The following SSPN variants were observed in gnomAD, a reference collection of about 807,000 sequenced individuals.
SSPN encodes sarcospan.
SSPN carries 15 observed loss-of-function variants against 19.1 expected under a neutral mutation model. That is an observed-to-expected ratio of 0.78 (90% CI 0.52 to 1.21). The LOEUF is 1.21. Among genes scored for constraint, SSPN ranks in the 50% most tolerant of loss-of-function variants. The pLI is 0.00. For missense variants in SSPN, 291 were observed against 314.0 expected (o/e 0.93, Z 0.55); for synonymous variants, 147 against 140.3 (o/e 1.05, Z -0.34).
chr12:26,161,110 A>C (rs1292106245), intron 1 of SSPN, among the ~76,000 whole-genome samples: 1 of 119,988 alleles, frequency 8.3e-6, no homozygotes, highest in African/African-American at 4.4e-5. Flanking sequence ...TCTGTCTCAA[A>C]AAAAAAAAAA....
At chr12:26,137,091 T>G (rs1257423341) in intron 1 of SSPN, among the ~76,000 whole-genome samples, 2 of 152,216 alleles carry the variant, frequency 1.3e-5, no homozygotes, top group African/African-American at 4.8e-5. Context: ...TGCTCTCTTT[T>G]ACTGTTTTGC....
intron 1 of SSPN, among the ~76,000 whole-genome samples, chr12:26,145,931 C>T (rs1397928374): frequency 2.6e-5 from 4 of 152,194 alleles, no homozygotes; most frequent in Non-Finnish European, 5.9e-5. Flanking sequence ...TACACATGTT[C>T]ACCCATTGGC....
intron 1 of SSPN, chr12:26,122,532 G>T: frequency 7.9e-7 from 1 of 1,267,278 alleles, no homozygotes; most frequent in Non-Finnish European, 1.0e-6. Flanking sequence ...TCCGCCGAAC[G>T]CCACCAGCGA....
At chr12:26,151,614 C>T (rs1462039256) in intron 1 of SSPN, among the ~76,000 whole-genome samples, 1 of 152,104 alleles carries the variant, frequency 6.6e-6, no homozygotes, top group Admixed American at 6.6e-5. Flanking sequence ...GACAAAGCTC[C>T]CTGCCCCCAT....
At position 26,224,009 on chromosome 12, in the gene SSPN, A is replaced by T. The variant is rs138321192; in HGVS notation, c.280-284A>T. 4.6e-5 allele frequency among the ~76,000 whole-genome samples: 7 copies of T among 152,344 alleles called. No individual in the cohort carries two copies. In the East Asian group the frequency reaches 1.2e-3, roughly 25 times the overall value. ...TTCACCGGATTGTAAACTGATGAAC[A>T]CTGAGTAAACTTTATTCATCGTCAT... On this transcript the variant is annotated intron_variant, in intron 1 of 2. Transcript: ENST00000242729.
At chr12:26,201,315 T>C (rs1591877518) in intron 1 of SSPN, among the ~76,000 whole-genome samples, 1 of 150,694 alleles carries the variant, frequency 6.6e-6, no homozygotes, top group Non-Finnish European at 1.5e-5. Context: ...GAGGCAGAGG[T>C]TGCAGTGAGC....
intron 1 of SSPN, among the ~76,000 whole-genome samples, chr12:26,161,669 T>C (rs1431342254): frequency 1.3e-5 from 2 of 152,206 alleles, no homozygotes; most frequent in African/African-American, 4.8e-5. Context: ...AGAACAGTGG[T>C]TCCCCAATCT....
chr12:26,191,462 AAGAG>A (rs1169115286), upstream of SSPN, among the ~76,000 whole-genome samples: 1 of 151,118 alleles, frequency 6.6e-6, no homozygotes, highest in South Asian at 2.1e-4. Context: ...CCAGGGAAGA[AAGAG>A]AGAGAGAGAG....
In SSPN at chr12:26,180,349, T is replaced by C. The variant is rs545681705; in HGVS notation, c.-30-43944T>C. 3.3e-5 allele frequency: 5 copies of C among 152,154 alleles called. No individual in the cohort carries two copies. In the South Asian group the frequency reaches 1.0e-3, roughly 32 times the overall value. The allele number at this position is 152,154 out of a possible 1,614,324, so 9.4% of individuals were successfully genotyped here. A position where few individuals can be genotyped will look rare whatever the true frequency, so the allele number is the denominator to read the frequency against. On this transcript the variant is annotated intron_variant, in intron 1 of 2. Transcript: ENST00000538142. ...GGTCGTGCTCATAGCAGCAGCGAGA[T>C]TTTTTTTCTTGTCACGATGAACAGA... is the stretch of plus-strand genomic sequence containing the variant.
intron 1 of SSPN, among the ~76,000 whole-genome samples, chr12:26,144,376 G>A (rs4963959): frequency 0.27 from 40,686 of 152,064 alleles, 5,651 homozygotes; most frequent in South Asian, 0.37. Context: ...AAGACCCAGA[G>A]GAGAGTTTGG....
At position 26,143,182 on chromosome 12, in the gene SSPN, A is replaced by G. The variant is rs139200452; in HGVS notation, c.-31+21030A>G. Among the ~76,000 whole-genome samples, 174 of 152,348 alleles carry G rather than the reference A, an allele frequency of 1.1e-3. 1 individual carries two copies. Among genetic ancestry groups the G allele is most frequent in the African/African-American group, 4.0e-3 (168 of 41,580 alleles). Reference sequence around the variant, plus strand: ...TAGCCTTTATTCATATTTTAAAGAAACAGTAGTCATTTGATTAAGTATAAA... The same window carrying G: ...TAGCCTTTATTCATATTTTAAAGAAGCAGTAGTCATTTGATTAAGTATAAA... On this transcript the variant is annotated intron_variant, in intron 1 of 2. Coordinates refer to the SSPN transcript ENST00000538142.
At chr12:26,156,033 C>T (rs1944553904) in intron 1 of SSPN, among the ~76,000 whole-genome samples, 1 of 152,104 alleles carries the variant, frequency 6.6e-6, no homozygotes, top group Non-Finnish European at 1.5e-5. Flanking sequence ...GTTCAAAGAA[C>T]TTTGATGGTA....
chr12:26,124,252 T>TGGGGG, intron 1 of SSPN: 6 of 879,380 alleles, frequency 6.8e-6, no homozygotes, highest in African/African-American at 1.7e-5. Context: ...TACCCTCGTC[T>TGGGGG]GCCCCCCCCG....
chr12:26,148,643 A>G (rs1186390909), intron 1 of SSPN, among the ~76,000 whole-genome samples: 1 of 152,164 alleles, frequency 6.6e-6, no homozygotes, highest in East Asian at 1.9e-4. Context: ...GGTTTTCTAA[A>G]ACTATGTCTA....
intron 1 of SSPN, chr12:26,122,820 G>T: frequency 6.3e-7 from 1 of 1,588,854 alleles, no homozygotes; most frequent in Middle Eastern, 1.9e-4. Flanking sequence ...GTCGTTCTCG[G>T]CGGCGAGCTC....
At position 26,209,950 on chromosome 12, in the gene SSPN, C is replaced by A. The variant is rs528837371; in HGVS notation, c.279+13999C>A. On this transcript the variant is annotated intron_variant, in intron 1 of 2. Coordinates refer to ENST00000242729, the MANE Select transcript of SSPN (RefSeq NM_005086.5). ...CTTTATGTATGATAACTTGATATAG[C>A]CTATTTGAGAGTACAACCCTTCCAG... 2.0e-5 allele frequency among the ~76,000 whole-genome samples: 3 copies of A among 151,996 alleles called. No individual in the cohort carries two copies. In the East Asian group the frequency reaches 5.8e-4, roughly 29 times the overall value.
chr12:26,196,003 A>C, intron 1 of SSPN, 52 bp downstream of exon 1: 1 of 1,385,334 alleles, frequency 7.2e-7, no homozygotes, highest in Non-Finnish European at 9.5e-7. Context: ...AGGAATGCGA[A>C]GTCGCATGGT....
In SSPN at chr12:26,231,904, G is replaced by T; in HGVS notation, c.*828G>T. 1 of 976,660 alleles carries T rather than the reference G, an allele frequency of 1.0e-6. No homozygotes were observed. The highest frequency in any genetic ancestry group is 1.2e-6 in the Non-Finnish European group (1 of 822,114). The allele number at this position is 976,660 out of a possible 1,614,324, so 60.5% of individuals were successfully genotyped here. The stretch of plus-strand genomic sequence containing the variant: ...AATTATGCTCAGAAGTCTATTTAAT[G>T]AGCTCTGACTGTACTTACGCTGCAC... On this transcript the variant is annotated 3_prime_UTR_variant, in exon 3 of 3. Coordinates refer to ENST00000242729, the MANE Select transcript of SSPN (RefSeq NM_005086.5).
chr12:26,137,661 T>TA (rs57997853), intron 1 of SSPN, among the ~76,000 whole-genome samples: 2 of 87,860 alleles, frequency 2.3e-5, no homozygotes, highest in Non-Finnish European at 4.0e-5. Flanking sequence ...TATATATTTT[T>TA]TTTTTTTTTT....
Sources: allele counts gnomAD v4.1 joint callset (sites outside exome capture counted in the v4.1 genomes callset), GRCh38; gene constraint gnomAD v4.1.1; transcripts MANE v1.5; gene names NCBI Gene and HGNC (gene_info 2026-07-23, HGNC 2026-07-21).